The following KCNQ5 variants were observed in gnomAD, a reference collection of about 807,000 sequenced individuals.
The protein encoded by KCNQ5 is potassium voltage-gated channel subfamily Q member 5.
A neutral mutation model predicts 98.2 loss-of-function variants in KCNQ5; 30 were observed. That is an observed-to-expected ratio of 0.31 (90% CI 0.23 to 0.41). The LOEUF is 0.41. Among genes scored for constraint, KCNQ5 ranks in the 10% least tolerant of loss-of-function variants. The pLI, the probability that KCNQ5 is intolerant of heterozygous loss-of-function variation, is 1.00. For missense variants in KCNQ5, 835 were observed against 1,182.5 expected, an observed-to-expected ratio of 0.71 and a Z score of 4.31; for synonymous variants, 458 against 449.4, an observed-to-expected ratio of 1.02 and a Z score of -0.24.
At chr6:72,949,559 G>T (rs1766703876) in intron 1 of KCNQ5, among the ~76,000 whole-genome samples, 3 of 152,138 alleles carry the variant, frequency 2.0e-5, no homozygotes, top group Admixed American at 6.5e-5. Flanking sequence ...AAACTGTAGA[G>T]AAAATTTTTA....
intron 2 of KCNQ5, among the ~76,000 whole-genome samples, chr6:73,024,297 C>CA (rs200979986): frequency 6.0e-5 from 9 of 148,852 alleles, no homozygotes; most frequent in South Asian, 2.1e-4. Flanking sequence ...GGTAATTAAA[C>CA]AAAAAAAAAT....
chr6:73,080,463 C>A (rs1314684070), intron 5 of KCNQ5, among the ~76,000 whole-genome samples: 1 of 151,980 alleles, frequency 6.6e-6, no homozygotes, highest in African/African-American at 2.4e-5. Context: ...ACAGAAGAAG[C>A]AAACAAACAA....
intron 1 of KCNQ5, among the ~76,000 whole-genome samples, chr6:72,647,613 A>G (rs183303318): frequency 1.6e-4 from 24 of 152,302 alleles, no homozygotes; most frequent in African/African-American, 5.3e-4. Context: ...ATAGCTGTTC[A>G]GTTCACAGAC....
chr6:73,150,485 A>T (rs1012447192), intron 10 of KCNQ5, among the ~76,000 whole-genome samples: 2 of 141,148 alleles, frequency 1.4e-5, no homozygotes, highest in African/African-American at 2.8e-5. Flanking sequence ...ATATTATTAT[A>T]TTACATATAA....
At chr6:72,646,287 A>G (rs1765592268) in intron 1 of KCNQ5, among the ~76,000 whole-genome samples, 1 of 151,730 alleles carries the variant, frequency 6.6e-6, no homozygotes, top group African/African-American at 2.4e-5. Context: ...TGTGAAAAAT[A>G]CATCTTCATT....
intron 1 of KCNQ5, among the ~76,000 whole-genome samples, chr6:72,711,727 G>T (rs1223365415): frequency 6.6e-6 from 1 of 152,342 alleles, no homozygotes; most frequent in African/African-American, 2.4e-5. Flanking sequence ...GAAGGTGACA[G>T]TGGAGTTGGA....
chr6:73,042,083 T>C (rs1387835283), intron 3 of KCNQ5, 21 bp downstream of exon 3: 8 of 1,613,172 alleles, frequency 5.0e-6, no homozygotes, highest in Admixed American at 1.7e-5. Context: ...GAGTCTCAGA[T>C]ACCTGGACTA....
intron 1 of KCNQ5, among the ~76,000 whole-genome samples, chr6:72,865,720 A>G (rs1340230117): frequency 6.6e-6 from 1 of 152,140 alleles, no homozygotes; most frequent in Non-Finnish European, 1.5e-5. Context: ...TTTACAACTG[A>G]CAACTGAAGA....
At chr6:72,777,323 T>A (rs1005377800) in intron 1 of KCNQ5, among the ~76,000 whole-genome samples, 4 of 152,234 alleles carry the variant, frequency 2.6e-5, no homozygotes, top group Admixed American at 2.6e-4. Context: ...AACAGTTGGT[T>A]TAGAAAAGTG....
intron 1 of KCNQ5, among the ~76,000 whole-genome samples, chr6:72,932,273 CGT>C (rs967705831): frequency 6.6e-6 from 1 of 150,990 alleles, no homozygotes; most frequent in Non-Finnish European, 1.5e-5. Flanking sequence ...TGCGTGTGTG[CGT>C]GTGTGTGTGC....
intron 7 of KCNQ5, 151 bp downstream of exon 7, chr6:73,111,554 T>G: frequency 1.6e-6 from 1 of 624,812 alleles, no homozygotes; most frequent in East Asian, 2.7e-5. Context: ...AGTCTTGGAT[T>G]TGGACAGTCT....
At chr6:72,875,654 T>C (rs1778377023) in intron 1 of KCNQ5, among the ~76,000 whole-genome samples, 1 of 152,126 alleles carries the variant, frequency 6.6e-6, no homozygotes, top group Non-Finnish European at 1.5e-5. Flanking sequence ...TCCCAGTAAA[T>C]CTATTTTTTA....
At chr6:72,750,704 G>T (rs181280308) in intron 1 of KCNQ5, among the ~76,000 whole-genome samples, 19 of 152,060 alleles carry the variant, frequency 1.2e-4, no homozygotes, top group East Asian at 9.6e-4. Context: ...AGTTAAAAAT[G>T]CTTTGAATAA....
chr6:72,711,810 T>G (rs1420204148), intron 1 of KCNQ5, among the ~76,000 whole-genome samples: 2 of 152,182 alleles, frequency 1.3e-5, no homozygotes, highest in African/African-American at 4.8e-5. Context: ...GTTTTTCAGA[T>G]GGAAGGAAGT....
At chr6:72,967,422 G>A (rs142743833) in intron 1 of KCNQ5, among the ~76,000 whole-genome samples, 58 of 152,210 alleles carry the variant, frequency 3.8e-4, no homozygotes, top group African/African-American at 1.3e-3. Context: ...ATAAATCAGT[G>A]AGGAAAATGT....
chr6:72,899,817 C>A (rs767161378), intron 1 of KCNQ5, among the ~76,000 whole-genome samples: 6 of 151,852 alleles, frequency 4.0e-5, no homozygotes, highest in Non-Finnish European at 7.4e-5. Context: ...CCCTTCACCC[C>A]AAGTCCCCAA....
chr6:73,175,699 C>T (rs892760660), intron 11 of KCNQ5, among the ~76,000 whole-genome samples: 5 of 152,182 alleles, frequency 3.3e-5, no homozygotes, highest in African/African-American at 1.2e-4. Context: ...TCTTGAGCTT[C>T]AACTGTGCAC....
chr6:72,743,530 A>G (rs1251996382), intron 1 of KCNQ5, among the ~76,000 whole-genome samples: 1 of 152,168 alleles, frequency 6.6e-6, no homozygotes, highest in African/African-American at 2.4e-5. Context: ...CAATTTTTCA[A>G]ATCCAATTTA....
chr6:73,156,502 GTAGTCCCAGC>G (rs1368546297), intron 10 of KCNQ5, among the ~76,000 whole-genome samples: 4 of 152,122 alleles, frequency 2.6e-5, no homozygotes, highest in African/African-American at 9.7e-5. Flanking sequence ...GTGCGCACCT[GTAGTCCCAGC>G]TACTCTGGAG....
Sources: allele counts gnomAD v4.1 joint callset (sites outside exome capture counted in the v4.1 genomes callset), GRCh38; gene constraint gnomAD v4.1.1; transcripts MANE v1.5; gene names NCBI Gene and HGNC (gene_info 2026-07-23, HGNC 2026-07-21).